Variants in AKNA observed in about 807,000 individuals in gnomAD.
AKNA encodes microtubule organization protein AKNA.
Under a neutral mutation model 138.8 loss-of-function variants are expected in AKNA, and 67 were observed. The observed-to-expected ratio is 0.48, with a 90% CI of 0.40 to 0.59. The LOEUF (loss-of-function observed/expected upper bound fraction) is 0.59, where lower values mean the gene tolerates loss of function less well. Among genes scored for constraint, AKNA ranks in the 20% least tolerant of loss-of-function variants. The probability of loss-of-function intolerance (pLI) is 0.00; values close to 1 mark genes in which losing one functional copy is unlikely to be tolerated. For missense variants in AKNA, 1,813 were observed against 1,880.4 expected (o/e 0.96, Z 0.66); for synonymous variants, 737 against 754.4 (o/e 0.98, Z 0.38).
intron 19 of AKNA, among the ~76,000 whole-genome samples, chr9:114,343,369 T>G (rs1188840107): frequency 1.3e-5 from 2 of 152,186 alleles, no homozygotes; most frequent in Non-Finnish European, 2.9e-5. Flanking sequence ...CACTGCTCTC[T>G]CTGCCACTCC....
intron 14 of AKNA, among the ~76,000 whole-genome samples, chr9:114,353,819 G>C (rs1831301157): frequency 6.6e-6 from 1 of 152,128 alleles, no homozygotes; most frequent in African/African-American, 2.4e-5. Flanking sequence ...TAAAAATATG[G>C]TATAAAAGAT....
At position 114,381,034 on chromosome 9, in the gene AKNA, T is replaced by TGTAGGGGGAGGAGTGTCAGTCTCACC. The variant is rs1554708815; in HGVS notation, c.274+25_274+26insGGTGAGACTGACACTCCTCCCCCTAC. The stretch of plus-strand genomic sequence containing the variant: ...TGATGTTTTGGGGACAGGACACCAC[T>TGTAGGGGGAGGAGTGTCAGTCTCACC]GTAGGGGGAGGGGTGTCAGTCTCAC... On this transcript the variant is annotated intron_variant, in intron 2 of 21. Transcript: ENST00000374088. 207 of 1,481,018 alleles carry TGTAGGGGGAGGAGTGTCAGTCTCACC rather than the reference T, an allele frequency of 1.4e-4. 1 individual carries two copies. The African/African-American group carries it at 2.8e-3, about 20-fold the overall frequency. The allele number at this position is 1,481,018 out of a possible 1,614,324, so 91.7% of individuals were successfully genotyped here. A position where few individuals can be genotyped will look rare whatever the true frequency, so the allele number is the denominator to read the frequency against.
chr9:114,368,386 G>T, intron 5 of AKNA, 53 bp downstream of exon 5: 1 of 1,308,062 alleles, frequency 7.6e-7, no homozygotes, highest in Non-Finnish European at 9.8e-7. Flanking sequence ...GTCCCACAGA[G>T]CAGAATCCCA....
intron 9 of AKNA, among the ~76,000 whole-genome samples, chr9:114,360,845 G>A (rs1831894664): frequency 6.6e-6 from 1 of 152,166 alleles, no homozygotes; most frequent in Non-Finnish European, 1.5e-5. Flanking sequence ...CTCTCAAGGG[G>A]TTGTGGTGTG....
chr9:114,355,695 C>T (rs1831450046), intron 14 of AKNA, among the ~76,000 whole-genome samples: 1 of 152,202 alleles, frequency 6.6e-6, no homozygotes, highest in Non-Finnish European at 1.5e-5. Context: ...AACAAACACA[C>T]ATTTATATCG....
chr9:114,372,404 G>A (rs1313824051), intron 4 of AKNA, among the ~76,000 whole-genome samples: 2 of 152,140 alleles, frequency 1.3e-5, no homozygotes, highest in Non-Finnish European at 2.9e-5. Flanking sequence ...GTGCTCCCCC[G>A]TGTCCACCCC....
At chr9:114,372,077 G>A (rs1436529431) in intron 4 of AKNA, among the ~76,000 whole-genome samples, 1 of 152,198 alleles carries the variant, frequency 6.6e-6, no homozygotes, top group East Asian at 1.9e-4. Context: ...TTCCTTCAGG[G>A]CAGCTGTGAG....
intron 21 of AKNA, 50 bp from the exon 22 acceptor site, chr9:114,337,356 A>C: frequency 7.2e-7 from 1 of 1,385,768 alleles, no homozygotes; most frequent in Non-Finnish European, 9.5e-7. Flanking sequence ...GGCTGGGGAC[A>C]AGCCGAGGAG....
chr9:114,333,011 C>G, downstream of AKNA: 1 of 1,599,954 alleles, frequency 6.3e-7, no homozygotes, highest in Non-Finnish European at 8.5e-7. Flanking sequence ...CGGAAGACCT[C>G]CCACCCTGTC....
intron 1 of AKNA, among the ~76,000 whole-genome samples, chr9:114,384,765 C>A (rs900719327): frequency 1.3e-5 from 2 of 152,156 alleles, no homozygotes; most frequent in African/African-American, 4.8e-5. Flanking sequence ...CAATAGCAGG[C>A]TATTGATAAA....
At position 114,376,857 on chromosome 9, in the gene AKNA, G is replaced by C; in HGVS notation, c.950C>G (p.Pro317Arg). 1 of 1,614,156 alleles carries C rather than the reference G, an allele frequency of 6.2e-7. No homozygotes were observed. The highest frequency in any genetic ancestry group is 8.5e-7 in the Non-Finnish European group (1 of 1,179,996). Residue 317 changes from proline (P) to arginine (R), a missense_variant, in exon 3 of 22, where the codon CCC becomes CGC. Coordinates refer to ENST00000374088, the MANE Select transcript of AKNA (RefSeq NM_001317950.2). ...LPSRFIGSIS[P>R]LNPQPRPTRQ... The stretch of plus-strand genomic sequence containing the variant: ...CGTTGGCCTGGGCTGGGGATTCAGG[G>C]GGCTGATGGAGCCAATGAATCGGGA...
In AKNA at chr9:114,368,494, G is replaced by A. The variant is rs150708543; in HGVS notation, c.1518C>T (p.Arg506=). ...CCGGGCCCGGCCACCACTCTGCAGA[G>A]CGGGGCTGTGGGATGGTGAAGGACA... The part of the protein sequence containing the change: ...KVLSFTIPQP[R]SAEWWPGPAE... Residue 506 remains arginine (R), a synonymous_variant, in exon 5 of 22, where the codon CGC becomes CGT. Coordinates refer to ENST00000374088, the MANE Select transcript of AKNA (RefSeq NM_001317950.2). 37 of 1,361,330 alleles carry A rather than the reference G, an allele frequency of 2.7e-5. No individual in the cohort carries two copies. The Middle Eastern group carries it at 5.9e-4, about 22-fold the overall frequency. The allele number at this position is 1,361,330 out of a possible 1,614,324, so 84.3% of individuals were successfully genotyped here.
intron 14 of AKNA, among the ~76,000 whole-genome samples, chr9:114,353,940 G>A (rs1831307963): frequency 6.6e-6 from 1 of 152,200 alleles, no homozygotes; most frequent in African/African-American, 2.4e-5. Flanking sequence ...GAAGGCCTAG[G>A]ACATTACTGT....
intron 1 of AKNA, among the ~76,000 whole-genome samples, chr9:114,385,186 T>C (rs1833943078): frequency 6.6e-6 from 1 of 152,222 alleles, no homozygotes; most frequent in Non-Finnish European, 1.5e-5. Context: ...GCTCTAATCC[T>C]TGCTTCTCAT....
chr9:114,366,679 G>A (rs2131969395), intron 6 of AKNA, among the ~76,000 whole-genome samples: 1 of 151,210 alleles, frequency 6.6e-6, no homozygotes, highest in Non-Finnish European at 1.5e-5. Flanking sequence ...GAGATGGGAG[G>A]GGAGGGAAGA....
chr9:114,347,295 C>T (rs903760038), intron 16 of AKNA, among the ~76,000 whole-genome samples: 3 of 152,286 alleles, frequency 2.0e-5, no homozygotes, highest in African/African-American at 4.8e-5. Flanking sequence ...TCTCAGCTCA[C>T]TGCAACCTCC....
At chr9:114,365,095 A>C (rs1284125139) in intron 6 of AKNA, among the ~76,000 whole-genome samples, 1 of 152,186 alleles carries the variant, frequency 6.6e-6, no homozygotes, top group Non-Finnish European at 1.5e-5. Context: ...GAGAGTAAAA[A>C]GGAAAACGAT....
rs114006513 is a variant in AKNA, at chr9:114,360,044, C to T, written c.2143G>A (p.Ala715Thr). ...AATGGGCAGGGGCCAGTGCTGGCGG[C>T]GGCAGTGGTGGTAGCAGGCTGGGGT... The part of the protein sequence containing the change: ...SCPEPATTTA[A>T]ASTGPCPLHV... The change falls in exon 10 of 22, where the codon GCC becomes ACC. Residue 715 changes from alanine (A) to threonine (T), a missense_variant. Physicochemically the swap from Ala to Thr is moderately conservative, Grantham distance 58. Coordinates refer to ENST00000374088, the MANE Select transcript of AKNA (RefSeq NM_001317950.2). The T allele has an allele frequency of 7.0e-4, 1,127 of 1,614,126 alleles. 13 individuals carry two copies. In the African/African-American group the frequency reaches 0.013, roughly 19 times the overall value.
At chr9:114,359,073 CTT>C (rs11296673) in intron 11 of AKNA, 254 of 145,968 alleles carry the variant, frequency 1.7e-3, no homozygotes, top group African/African-American at 5.6e-3. Context: ...ATTCTTTTTT[CTT>C]TTTTTTTTTT....
Sources: gnomAD v4.1 joint callset for allele counts (sites outside exome capture counted in the v4.1 genomes callset) on GRCh38, gnomAD v4.1.1 for gene constraint, MANE v1.5 for transcripts, NCBI Gene and HGNC (gene_info 2026-07-23, HGNC 2026-07-21) for gene names.